The following HTR1F variants were observed in gnomAD, a reference collection of about 807,000 sequenced individuals.
The protein encoded by HTR1F is 5-hydroxytryptamine receptor 1F.
A neutral mutation model predicts 24.0 loss-of-function variants in HTR1F; 17 were observed. The ratio of observed to expected loss-of-function variants is 0.71; its 90% CI spans 0.48 to 1.06. The LOEUF (loss-of-function observed/expected upper bound fraction) is 1.06. Ranked by LOEUF, HTR1F falls within the 50% of genes least tolerant of loss-of-function variation. HTR1F has a pLI of 0.00. For synonymous variants in HTR1F, 186 were observed against 156.8 expected, an observed-to-expected ratio of 1.19 and a Z score of -1.39; for missense variants, 391 against 427.8, an observed-to-expected ratio of 0.91 and a Z score of 0.76.
intron 1 of HTR1F, among the ~76,000 whole-genome samples, chr3:87,802,231 CCCTCCCTTCCTT>C (rs1261257216): frequency 6.8e-5 from 4 of 58,838 alleles, no homozygotes; most frequent in Admixed American, 4.7e-4. Flanking sequence ...CTCCCTCCCT[CCCTCCCTTCCTT>C]CCTTCCTTCC....
chr3:87,992,928 CTAAT>C lies in HTR1F; in HGVS notation c.*1083_*1086del, dbSNP rs1355296645. ...AACAGGAAAAAAGACTCATATTACA[CTAAT>C]TAATAAATGTACACACATATATATT... On this transcript the variant is annotated 3_prime_UTR_variant, in exon 3 of 3. Coordinates refer to ENST00000319595, the MANE Select transcript of HTR1F (RefSeq NM_001322209.2). 1.8e-5 allele frequency: 3 copies of C among 166,830 alleles called. No individual in the cohort carries two copies. The highest frequency in any genetic ancestry group is 4.4e-5 in the Non-Finnish European group (3 of 68,076). The allele number at this position is 166,830 out of a possible 1,614,324, so 10.3% of individuals were successfully genotyped here. A position where few individuals can be genotyped will look rare whatever the true frequency, so the allele number is the denominator to read the frequency against.
At chr3:87,949,163 A>AAC (rs147050486) in intron 2 of HTR1F, among the ~76,000 whole-genome samples, 31 of 152,020 alleles carry the variant, frequency 2.0e-4, no homozygotes, top group Non-Finnish European at 3.5e-4. Context: ...TACACAGACA[A>AAC]ACACACACAC....
chr3:87,834,165 G>C (rs1422044427), intron 2 of HTR1F, among the ~76,000 whole-genome samples: 1 of 151,970 alleles, frequency 6.6e-6, no homozygotes, highest in Non-Finnish European at 1.5e-5. Context: ...AACCCAAGTT[G>C]GATTCCTCTA....
intron 1 of HTR1F, among the ~76,000 whole-genome samples, chr3:87,818,449 A>C (rs554561519): frequency 6.6e-6 from 1 of 152,308 alleles, no homozygotes; most frequent in East Asian, 1.9e-4. Context: ...AGCTACTTGC[A>C]AAGTGAGGCA....
intron 1 of HTR1F, among the ~76,000 whole-genome samples, chr3:87,810,997 T>G (rs1704151490): frequency 6.6e-6 from 1 of 152,180 alleles, no homozygotes; most frequent in Non-Finnish European, 1.5e-5. Flanking sequence ...CCAGATAACT[T>G]GACTTTGTTT....
At chr3:87,925,144 G>A (rs1354266563) in intron 2 of HTR1F, among the ~76,000 whole-genome samples, 1 of 151,932 alleles carries the variant, frequency 6.6e-6, no homozygotes, top group African/African-American at 2.4e-5. Context: ...TAGATTGTGG[G>A]TGTTTGTTGA....
intron 2 of HTR1F, among the ~76,000 whole-genome samples, chr3:87,949,624 T>C (rs1704789714): frequency 6.6e-6 from 1 of 152,230 alleles, no homozygotes; most frequent in South Asian, 2.1e-4. Context: ...ATTGCCACTT[T>C]CAGATCTTTG....
Position 87,960,446 on chromosome 3 carries a change from A to G in HTR1F, c.-42-30262A>G, listed in dbSNP as rs1291815937. On this transcript the variant is annotated intron_variant, in intron 2 of 2. Coordinates refer to ENST00000319595, the MANE Select transcript of HTR1F (RefSeq NM_001322209.2). ...GGTCCTTCTAGGAATAGCAAAAGCC[A>G]AAGGAAATTGACTTTAAGTGGATTT... is the stretch of plus-strand genomic sequence containing the variant. Among the ~76,000 whole-genome samples the G allele has an allele frequency of 2.6e-5, 4 of 151,986 alleles. No individual in the cohort carries two copies. In the East Asian group the frequency reaches 7.7e-4, roughly 29 times the overall value.
intron 1 of HTR1F, among the ~76,000 whole-genome samples, chr3:87,800,352 C>A (rs189567503): frequency 6.6e-6 from 1 of 152,282 alleles, no homozygotes; most frequent in African/African-American, 2.4e-5. Context: ...ACTTCTCTGA[C>A]ATAGGTTTTC....
intron 2 of HTR1F, among the ~76,000 whole-genome samples, chr3:87,895,419 A>G (rs1344690086): frequency 6.6e-6 from 1 of 152,172 alleles, no homozygotes; most frequent in African/African-American, 2.4e-5. Flanking sequence ...ATACATATAT[A>G]CACACATATT....
intron 2 of HTR1F, among the ~76,000 whole-genome samples, chr3:87,903,715 G>A (rs1374221304): frequency 2.0e-5 from 3 of 152,062 alleles, no homozygotes; most frequent in African/African-American, 7.3e-5. Flanking sequence ...AAGTCAGTGT[G>A]GTGATTCCTC....
At chr3:87,842,716 GA>G (rs1191929610) in intron 2 of HTR1F, among the ~76,000 whole-genome samples, 1 of 151,884 alleles carries the variant, frequency 6.6e-6, no homozygotes, top group Non-Finnish European at 1.5e-5. Flanking sequence ...AGAAACAAGA[GA>G]CTAGAAATCT....
chr3:87,895,711 G>A (rs1706183245), intron 2 of HTR1F, among the ~76,000 whole-genome samples: 1 of 152,148 alleles, frequency 6.6e-6, no homozygotes, highest in Non-Finnish European at 1.5e-5. Context: ...GATTAAATGA[G>A]TGAATATGTC....
chr3:87,882,555 T>G (rs1157293710), intron 2 of HTR1F, among the ~76,000 whole-genome samples: 1 of 151,962 alleles, frequency 6.6e-6, no homozygotes, highest in South Asian at 2.1e-4. Flanking sequence ...ATGTCCTTTG[T>G]AGGGACATGG....
chr3:87,946,611 G>GTGTA (rs1553681088), intron 2 of HTR1F, among the ~76,000 whole-genome samples: 9 of 129,930 alleles, frequency 6.9e-5, no homozygotes, highest in South Asian at 2.6e-4. Context: ...GTGTGTGTGT[G>GTGTA]TATATATATA....
At chr3:87,962,485 C>T (rs186320389) in intron 2 of HTR1F, among the ~76,000 whole-genome samples, 1 of 152,064 alleles carries the variant, frequency 6.6e-6, no homozygotes, top group African/African-American at 2.4e-5. Flanking sequence ...CTTCATTATA[C>T]TTAAGTCAAC....
Position 87,949,374 on chromosome 3 carries a change from G to C in HTR1F, c.-42-41334G>C, listed in dbSNP as rs547454249. 2.6e-5 allele frequency among the ~76,000 whole-genome samples: 4 copies of C among 152,300 alleles called. No individual in the cohort carries two copies. In the East Asian group the frequency reaches 7.7e-4, roughly 29 times the overall value. ...CACTGCATATCTAGAAAAGGTCTTT[G>C]TAAGGTATAAATCACAGCTTCCTCT... On this transcript the variant is annotated intron_variant, in intron 2 of 2. Coordinates refer to ENST00000319595, the MANE Select transcript of HTR1F (RefSeq NM_001322209.2).
At chr3:87,867,417 C>T (rs1705453828) in intron 2 of HTR1F, among the ~76,000 whole-genome samples, 1 of 151,696 alleles carries the variant, frequency 6.6e-6, no homozygotes, top group African/African-American at 2.4e-5. Flanking sequence ...CAGATCTCTT[C>T]AGAAGAGTTA....
At chr3:87,935,198 T>A (rs557592850) in intron 2 of HTR1F, among the ~76,000 whole-genome samples, 1 of 152,144 alleles carries the variant, frequency 6.6e-6, no homozygotes, top group African/African-American at 2.4e-5. Flanking sequence ...AGCTGGACTC[T>A]AAAGGCAGAG....
Sources: gnomAD v4.1 joint callset for allele counts (sites outside exome capture counted in the v4.1 genomes callset) on GRCh38, gnomAD v4.1.1 for gene constraint, MANE v1.5 for transcripts, NCBI Gene and HGNC (gene_info 2026-07-23, HGNC 2026-07-21) for gene names.